Variants in MTARC2 observed in about 807,000 individuals in gnomAD.
MTARC2 encodes the protein MOCO sulphurase C-terminal domain containing 2.
MTARC2 carries 27 observed loss-of-function variants against 35.6 expected under a neutral mutation model. The ratio of observed to expected loss-of-function variants is 0.76; its 90% CI spans 0.56 to 1.04. The LOEUF is 1.04. MTARC2 is among the 50% of genes least tolerant of loss of function. The probability of loss-of-function intolerance (pLI) is 0.00; values close to 1 mark genes in which losing one functional copy is unlikely to be tolerated. For synonymous variants in MTARC2, 158 were observed against 167.1 expected (o/e 0.95, Z 0.42); for missense variants, 412 against 432.5 (o/e 0.95, Z 0.42).
intron 7 of MTARC2, among the ~76,000 whole-genome samples, chr1:220,782,595 A>C (rs1458401762): frequency 2.0e-5 from 3 of 152,194 alleles, no homozygotes; most frequent in Non-Finnish European, 4.4e-5. Flanking sequence ...AAAATCCATG[A>C]CCCAGTTCTT....
At chr1:220,768,004 C>T (rs1023810176) in intron 4 of MTARC2, among the ~76,000 whole-genome samples, 1 of 152,232 alleles carries the variant, frequency 6.6e-6, no homozygotes, top group Non-Finnish European at 1.5e-5. Flanking sequence ...ACAGCAGTCT[C>T]TACCAGGCTT....
At chr1:220,770,536 A>G (rs1292628174) in intron 4 of MTARC2, 2 of 985,454 alleles carry the variant, frequency 2.0e-6, no homozygotes, top group South Asian at 4.7e-5. Flanking sequence ...CAGATGTTGG[A>G]GTAGAGACGG....
intron 1 of MTARC2, among the ~76,000 whole-genome samples, chr1:220,754,725 C>T (rs1671228469): frequency 6.6e-6 from 1 of 152,196 alleles, no homozygotes; most frequent in Admixed American, 6.5e-5. Flanking sequence ...CATACATCAG[C>T]CAGACACTCT....
chr1:220,779,848 C>T lies in MTARC2; in HGVS notation c.751-170C>T, dbSNP rs1485996774. On this transcript the variant is annotated intron_variant, in intron 4 of 7. Coordinates refer to ENST00000366913, the MANE Select transcript of MTARC2 (RefSeq NM_017898.5). ...CTGGGAGTCAAGAGGTGGACCTGAACTTGCCAGCATTCTGCCTCCCTTTGA... is the reference window on the plus strand; with the variant it reads ...CTGGGAGTCAAGAGGTGGACCTGAATTTGCCAGCATTCTGCCTCCCTTTGA... 4.9e-5 allele frequency: 24 copies of T among 487,800 alleles called. 1 individual carries two copies. The South Asian group carries it at 7.4e-4, about 15-fold the overall frequency. 30.2% of individuals were successfully genotyped at this position (487,800 alleles called of 1,614,324 possible). A position where few individuals can be genotyped will look rare whatever the true frequency, so the allele number is the denominator to read the frequency against.
At chr1:220,766,511 A>C (rs372405049) in intron 4 of MTARC2, among the ~76,000 whole-genome samples, 3 of 152,356 alleles carry the variant, frequency 2.0e-5, no homozygotes, top group African/African-American at 7.2e-5. Context: ...CCATGAAGCA[A>C]CAGTTTTTCC....
At chr1:220,755,391 G>GA (rs1671250019) in intron 2 of MTARC2, among the ~76,000 whole-genome samples, 1 of 152,194 alleles carries the variant, frequency 6.6e-6, no homozygotes, top group African/African-American at 2.4e-5. Flanking sequence ...TATACCAACA[G>GA]ATTCTCTAGA....
intron 4 of MTARC2, chr1:220,770,431 G>T (rs555805790): frequency 1.0e-5 from 10 of 985,354 alleles, no homozygotes; most frequent in East Asian, 2.3e-4. Flanking sequence ...TATTCCCCTC[G>T]AGTGAGTGTG....
chr1:220,760,957 G>A (rs12046515), intron 2 of MTARC2, among the ~76,000 whole-genome samples: 2,039 of 152,308 alleles, frequency 0.013, 33 homozygotes, highest in East Asian at 0.06. Flanking sequence ...TATTTTAAAT[G>A]TCAGTGTTTA....
At chr1:220,771,686 C>A (rs529537710) in intron 4 of MTARC2, among the ~76,000 whole-genome samples, 1 of 151,794 alleles carries the variant, frequency 6.6e-6, no homozygotes, top group Non-Finnish European at 1.5e-5. Context: ...GCTTGAAAAA[C>A]ACAGTATAGA....
chr1:220,775,990 G>A (rs1671896585), intron 4 of MTARC2, among the ~76,000 whole-genome samples: 2 of 152,122 alleles, frequency 1.3e-5, no homozygotes, highest in Admixed American at 6.5e-5. Context: ...ATGAATATAC[G>A]CGTGCATGTG....
intron 2 of MTARC2, among the ~76,000 whole-genome samples, chr1:220,756,589 C>T (rs528981470): frequency 1.3e-5 from 2 of 152,272 alleles, no homozygotes; most frequent in South Asian, 4.2e-4. Flanking sequence ...AAAGCTTTTC[C>T]ATAAATGACA....
At chr1:220,775,293 G>T (rs946122336) in intron 4 of MTARC2, among the ~76,000 whole-genome samples, 2 of 152,140 alleles carry the variant, frequency 1.3e-5, no homozygotes, top group African/African-American at 4.8e-5. Flanking sequence ...GAACCCTTAT[G>T]TATAGTACTC....
At chr1:220,765,003 A>G (rs1482823895) in intron 4 of MTARC2, among the ~76,000 whole-genome samples, 4 of 152,198 alleles carry the variant, frequency 2.6e-5, no homozygotes, top group Non-Finnish European at 4.4e-5. Flanking sequence ...CATGGCCAGG[A>G]GACAATGACA....
chr1:220,769,428 G>A (rs1419646964), intron 4 of MTARC2, among the ~76,000 whole-genome samples: 1 of 152,250 alleles, frequency 6.6e-6, no homozygotes, highest in Non-Finnish European at 1.5e-5. Context: ...TCGGGCCAGC[G>A]GACAGCCTTA....
chr1:220,756,095 C>A (rs964156898), intron 2 of MTARC2, among the ~76,000 whole-genome samples: 5 of 152,160 alleles, frequency 3.3e-5, no homozygotes, highest in African/African-American at 4.8e-5. Flanking sequence ...CCACTTCTGG[C>A]CAAAGACACA....
chr1:220,778,791 T>C (rs888881495), intron 4 of MTARC2, among the ~76,000 whole-genome samples: 3 of 152,166 alleles, frequency 2.0e-5, no homozygotes, highest in Non-Finnish European at 4.4e-5. Context: ...GAAATTCCTG[T>C]GTAAAAGATG....
chr1:220,769,242 G>C (rs1256109299), intron 4 of MTARC2, among the ~76,000 whole-genome samples: 2 of 152,240 alleles, frequency 1.3e-5, no homozygotes, highest in African/African-American at 2.4e-5. Context: ...AGAAGGAGGA[G>C]ATGCTTCTGC....
chr1:220,781,099 T>C lies in MTARC2; in HGVS notation c.885-679T>C, dbSNP rs72472401. On this transcript the variant is annotated intron_variant, in intron 6 of 7. Coordinates refer to ENST00000366913, the MANE Select transcript of MTARC2 (RefSeq NM_017898.5). The stretch of plus-strand genomic sequence containing the variant: ...AGGCTTAACATTCTTTGGAGCTGTA[T>C]TCTATTTTGTTTCTCTTTCCTCTGT... Among the ~76,000 whole-genome samples, 162 of 152,214 alleles carry C rather than the reference T, an allele frequency of 1.1e-3. 1 individual carries two copies. The East Asian group carries it at 0.027, about 25-fold the overall frequency.
intron 6 of MTARC2, among the ~76,000 whole-genome samples, chr1:220,781,268 C>T (rs1184337694): frequency 1.3e-5 from 2 of 152,156 alleles, no homozygotes; most frequent in Non-Finnish European, 2.9e-5. Context: ...TTTCTTTAGA[C>T]AGGACACTGG....
Sources: allele counts gnomAD v4.1 joint callset (sites outside exome capture counted in the v4.1 genomes callset), GRCh38; gene constraint gnomAD v4.1.1; transcripts MANE v1.5; gene names NCBI Gene and HGNC (gene_info 2026-07-23, HGNC 2026-07-21).